COL10A1: variants seen among roughly 807,000 people sequenced by gnomAD.
The protein encoded by COL10A1 is collagen type X alpha 1 chain.
A neutral mutation model predicts 18.2 loss-of-function variants in COL10A1; 10 were observed. The ratio of observed to expected loss-of-function variants is 0.55; its 90% confidence interval spans 0.34 to 0.93. COL10A1 has a LOEUF of 0.93. Among genes scored for constraint, COL10A1 ranks in the 40% least tolerant of loss-of-function variants. COL10A1 has a pLI of 0.02. For synonymous variants in COL10A1, 330 were observed against 316.6 expected, an observed-to-expected ratio of 1.04 and a Z score of -0.45; for missense variants, 897 against 853.5, an observed-to-expected ratio of 1.05 and a Z score of -0.64.
chr6:116,122,023 T>A (rs1779147536), intron 2 of COL10A1, 62 bp from the exon 3 acceptor site: 1 of 1,378,044 alleles, frequency 7.3e-7, no homozygotes, highest in Non-Finnish European at 1.0e-6. Flanking sequence ...TTAAAGAGAA[T>A]CATTGCCTTT....
At chr6:116,123,759 T>A (rs1051730382) in intron 2 of COL10A1, among the ~76,000 whole-genome samples, 2 of 152,268 alleles carry the variant, frequency 1.3e-5, no homozygotes, top group Non-Finnish European at 2.9e-5. Flanking sequence ...TTTAGTAGTT[T>A]AAATACAGCT....
At chr6:116,178,343 A>C in the COL10A1 span, among the ~76,000 whole-genome samples, 5 of 152,100 alleles carry the variant, frequency 3.3e-5, no homozygotes, top group South Asian at 1.0e-3. Context: ...AAGCCCTAGG[A>C]CACCTTTCTG....
intron 1 of COL10A1, among the ~76,000 whole-genome samples, chr6:116,155,356 T>G (rs1275991114): frequency 6.6e-6 from 1 of 152,182 alleles, no homozygotes; most frequent in Non-Finnish European, 1.5e-5. Flanking sequence ...TTTATAGTAG[T>G]GGTTTTTATT....
At chr6:116,174,631 T>C in the COL10A1 span, among the ~76,000 whole-genome samples, 2 of 152,324 alleles carry the variant, frequency 1.3e-5, no homozygotes, top group South Asian at 4.1e-4. Flanking sequence ...TTCAGGCATT[T>C]TCCCTTTACT....
the COL10A1 span, among the ~76,000 whole-genome samples, chr6:116,172,317 CTTTTTTTTTTT>C: frequency 1.9e-5 from 2 of 108,028 alleles, no homozygotes; most frequent in African/African-American, 3.6e-5. Flanking sequence ...CCCTTAGTAA[CTTTTTTTTTTT>C]TTTTTTTTTT....
intron 1 of COL10A1, among the ~76,000 whole-genome samples, chr6:116,143,405 T>C (rs9481608): frequency 0.51 from 77,480 of 151,838 alleles, 20,884 homozygotes; most frequent in African/African-American, 0.69. Context: ...GTAGAGACGG[T>C]GTTTCACCAT....
the COL10A1 span, among the ~76,000 whole-genome samples, chr6:116,204,702 A>T: frequency 6.6e-6 from 1 of 151,980 alleles, no homozygotes; most frequent in African/African-American, 2.4e-5. Flanking sequence ...AAAATCACCA[A>T]AGTACTGTTG....
chr6:116,121,737 C>T lies in COL10A1; in HGVS notation c.379G>A (p.Gly127Arg). 1 of 1,614,052 alleles carries T rather than the reference C, an allele frequency of 6.2e-7. No individual in the cohort carries two copies. ...GGTAGGCCAGCTGGTCCAACATCTC[C>T]TTTTGGTCCATATGGTCCTCTCTCT... is the stretch of plus-strand genomic sequence containing the variant. ...PGERGPYGPKGDVGPAGLPGP... is the reference protein window; with the variant it reads ...PGERGPYGPKRDVGPAGLPGP... The change falls in exon 3 of 3, where the codon GGA (glycine) becomes AGA (arginine). Residue 127 changes from glycine to arginine, a missense_variant. Physicochemically the swap from Gly to Arg is moderately radical, Grantham distance 125. Coordinates refer to ENST00000651968, the MANE Select transcript of COL10A1 (RefSeq NM_000493.4).
chr6:116,208,484 G>A, the COL10A1 span, among the ~76,000 whole-genome samples: 1 of 152,000 alleles, frequency 6.6e-6, no homozygotes, highest in Non-Finnish European at 1.5e-5. Flanking sequence ...TTGTTTTGCT[G>A]TACCAAGGAA....
At chr6:116,179,317 C>A in the COL10A1 span, among the ~76,000 whole-genome samples, 1 of 152,016 alleles carries the variant, frequency 6.6e-6, no homozygotes, top group African/African-American at 2.4e-5. Context: ...GGAGGATTTA[C>A]ATTCTTATAC....
intron 1 of COL10A1, among the ~76,000 whole-genome samples, chr6:116,146,125 G>GA (rs951954057): frequency 1.3e-4 from 20 of 152,054 alleles, no homozygotes; most frequent in Non-Finnish European, 2.4e-4. Context: ...TAATACTAAT[G>GA]AAAAAAAACT....
At chr6:116,163,713 C>T (rs147488823), upstream of COL10A1, among the ~76,000 whole-genome samples, 24 of 152,066 alleles carry the variant, frequency 1.6e-4, 1 homozygote, top group East Asian at 1.2e-3. Context: ...CATTTGGTTG[C>T]GAATTTGAGA....
the COL10A1 span, among the ~76,000 whole-genome samples, chr6:116,209,460 G>T: frequency 5.1e-4 from 77 of 152,100 alleles, no homozygotes; most frequent in African/African-American, 1.8e-3. Flanking sequence ...TTTCTTAAAA[G>T]ATCTCAGAGT....
the COL10A1 span, among the ~76,000 whole-genome samples, chr6:116,215,127 C>T: frequency 7.9e-5 from 12 of 152,178 alleles, no homozygotes; most frequent in East Asian, 2.1e-3. Context: ...GAACATTGTA[C>T]TGATATTAAT....
At chr6:116,177,277 C>G in the COL10A1 span, among the ~76,000 whole-genome samples, 38 of 152,242 alleles carry the variant, frequency 2.5e-4, no homozygotes, top group East Asian at 7.3e-3. Context: ...TCATGACATA[C>G]TTTTCAATTA....
chr6:116,163,137 A>T (rs77999215), upstream of COL10A1, among the ~76,000 whole-genome samples: 1,119 of 105,288 alleles, frequency 0.011, 16 homozygotes, highest in East Asian at 0.052. Flanking sequence ...AAAAAAAAAA[A>T]AAAAATATAT....
chr6:116,121,914 C>G lies in COL10A1; in HGVS notation c.202G>C (p.Ala68Pro). 1 of 1,613,788 alleles carries G rather than the reference C, an allele frequency of 6.2e-7. No individual in the cohort carries two copies. The highest frequency in any genetic ancestry group is 8.5e-7 in the Non-Finnish European group (1 of 1,179,996). Reference protein sequence around the residue: ...EQGTPGPPGPAGPRGHPGPSG... With the variant: ...EQGTPGPPGPPGPRGHPGPSG... ...GGACCTGGGTGCCCTCGAGGTCCAG[C>G]AGGGCCTGGTGGACCAGGAGTACCT... is the stretch of plus-strand genomic sequence containing the variant. The change falls in exon 3 of 3, where the codon GCT becomes CCT. Residue 68 changes from alanine to proline, a missense_variant. By Grantham distance (27) the Ala-to-Pro change is conservative. Transcript: ENST00000651968.
chr6:116,121,503 G>A lies in COL10A1; in HGVS notation c.613C>T (p.Pro205Ser). Residue 205 changes from proline to serine, a missense_variant, in exon 3 of 3, where the codon CCA becomes TCA. Coordinates refer to ENST00000651968, the MANE Select transcript of COL10A1 (RefSeq NM_000493.4). The part of the protein sequence containing the change: ...APGRPGERGL[P>S]GPQGPTGPSG... ...GGTCCTGTGGGACCCTGAGGGCCTG[G>A]AAGACCCCTCTCACCTGGACGACCA... 1 of 1,614,152 alleles carries A rather than the reference G, an allele frequency of 6.2e-7. No individual in the cohort carries two copies. The highest frequency in any genetic ancestry group is 8.5e-7 in the Non-Finnish European group (1 of 1,180,004).
intron 1 of COL10A1, among the ~76,000 whole-genome samples, chr6:116,135,814 T>G (rs1779576012): frequency 7.1e-6 from 1 of 141,196 alleles, no homozygotes; most frequent in South Asian, 2.2e-4. Context: ...TATATATTTA[T>G]GGTATACAAT....
Sources: allele counts gnomAD v4.1 joint callset (sites outside exome capture counted in the v4.1 genomes callset), GRCh38; gene constraint gnomAD v4.1.1; transcripts MANE v1.5; gene names NCBI Gene and HGNC (gene_info 2026-07-23, HGNC 2026-07-21).